Variants in C1QTNF1 observed in about 807,000 individuals in gnomAD.
The protein encoded by C1QTNF1 is C1q and TNF related 1.
A neutral mutation model predicts 27.8 loss-of-function variants in C1QTNF1; 22 were observed. The ratio of observed to expected loss-of-function variants is 0.79; its 90% CI spans 0.56 to 1.13. The LOEUF (loss-of-function observed/expected upper bound fraction) is 1.13, where lower values mean the gene tolerates loss of function less well. C1QTNF1 is among the 50% of genes most tolerant of loss of function. The probability of loss-of-function intolerance (pLI) is 0.00; values close to 1 mark genes in which losing one functional copy is unlikely to be tolerated. For missense variants in C1QTNF1, 373 were observed against 380.2 expected, an observed-to-expected ratio of 0.98 and a Z score of 0.16; for synonymous variants, 166 against 154.3, an observed-to-expected ratio of 1.08 and a Z score of -0.56.
intron 1 of C1QTNF1, among the ~76,000 whole-genome samples, chr17:79,030,223 G>A (rs2072086998): frequency 6.6e-6 from 1 of 152,172 alleles, no homozygotes; most frequent in South Asian, 2.1e-4. Context: ...AAGAAACAGA[G>A]AGGCCAAAAT....
At chr17:79,030,442 T>C (rs971546468) in intron 1 of C1QTNF1, among the ~76,000 whole-genome samples, 81 of 150,580 alleles carry the variant, frequency 5.4e-4, no homozygotes, top group African/African-American at 1.9e-3. Flanking sequence ...ACTTTCTCTC[T>C]CTTTCTTCTT....
chr17:79,025,885 C>CCATCAT, intron 1 of C1QTNF1: 1 of 430,732 alleles, frequency 2.3e-6, no homozygotes, highest in East Asian at 7.0e-5. Context: ...ATCATCATCA[C>CCATCAT]CATCATCATC....
chr17:79,034,092 G>T (rs2072205849), intron 1 of C1QTNF1: 1 of 152,236 alleles, frequency 6.6e-6, no homozygotes, highest in Non-Finnish European at 1.5e-5. Context: ...GCTTGTCCAG[G>T]CCCCAGACAA....
At chr17:79,040,651 T>C (rs560664996) in intron 1 of C1QTNF1, among the ~76,000 whole-genome samples, 1 of 141,406 alleles carries the variant, frequency 7.1e-6, no homozygotes, top group Admixed American at 7.8e-5. Flanking sequence ...CCCAGCACTT[T>C]GGGAGGCTGA....
Position 79,024,477 on chromosome 17 carries a change from G to C in C1QTNF1, c.-32G>C, listed in dbSNP as rs1378659891. 1 of 152,504 alleles carries C rather than the reference G, an allele frequency of 6.6e-6. No homozygotes were observed. The highest frequency in any genetic ancestry group is 1.9e-4 in the East Asian group (1 of 5,184). The allele number at this position is 152,504 out of a possible 1,614,324, so 9.4% of individuals were successfully genotyped here. On this transcript the variant is annotated 5_prime_UTR_variant, in exon 1 of 4. Transcript: ENST00000579760. ...ATGCTCTAGGGGCGGCGCGGGAGGA[G>C]CGGCCGGCGGGACGGAGGTAGGTGG...
chr17:79,026,969 C>T (rs540364190), intron 1 of C1QTNF1, among the ~76,000 whole-genome samples: 1 of 152,068 alleles, frequency 6.6e-6, no homozygotes, highest in Non-Finnish European at 1.5e-5. Context: ...AATATTCTGG[C>T]ATTGAACTTT....
chr17:79,031,008 CT>C (rs11335486), intron 1 of C1QTNF1, among the ~76,000 whole-genome samples: 4,643 of 137,860 alleles, frequency 0.034, 174 homozygotes, highest in African/African-American at 0.11. Flanking sequence ...CTTTTCTTTT[CT>C]TTTTTTTTTT....
In C1QTNF1 at chr17:79,047,927, A is replaced by G. The variant is rs1361796931; in HGVS notation, c.685A>G (p.Ser229Gly). 6.2e-7 allele frequency: 1 copy of G among 1,613,946 alleles called. No homozygotes were observed. The highest frequency in any genetic ancestry group is 1.3e-5 in the African/African-American group (1 of 74,914). Residue 229 changes from serine to glycine, a missense_variant, in exon 4 of 4, where the codon AGC becomes GGC. Transcript: ENST00000579760. ...VILFAQVGDR[S>G]IMQSQSLMLE... The stretch of plus-strand genomic sequence containing the variant: ...CTTGTTCGCGCAGGTGGGCGACCGC[A>G]GCATCATGCAAAGCCAGAGCCTGAT...
intron 1 of C1QTNF1, among the ~76,000 whole-genome samples, chr17:79,038,441 T>C (rs1346868428): frequency 6.6e-6 from 1 of 151,968 alleles, no homozygotes; most frequent in African/African-American, 2.4e-5. Flanking sequence ...GTGGATGATG[T>C]GGGGTTGAGG....
chr17:79,041,415 C>G (rs2072405308), intron 1 of C1QTNF1, among the ~76,000 whole-genome samples: 1 of 152,202 alleles, frequency 6.6e-6, no homozygotes, highest in Admixed American at 6.5e-5. Flanking sequence ...GAGCCCTGGA[C>G]TCCAGATCTT....
intron 1 of C1QTNF1, among the ~76,000 whole-genome samples, chr17:79,042,801 G>C (rs1293492590): frequency 2.6e-5 from 4 of 152,252 alleles, no homozygotes; most frequent in Admixed American, 6.5e-5. Flanking sequence ...AGCCTGACTG[G>C]CTGAGGCTCT....
intron 1 of C1QTNF1, among the ~76,000 whole-genome samples, chr17:79,039,042 C>T (rs529145216): frequency 2.6e-5 from 4 of 152,352 alleles, no homozygotes; most frequent in Non-Finnish European, 5.9e-5. Flanking sequence ...AGCCCCACCC[C>T]ACCCCAGTGA....
chr17:79,026,225 G>C (rs141858832), intron 1 of C1QTNF1, among the ~76,000 whole-genome samples: 1 of 151,688 alleles, frequency 6.6e-6, no homozygotes, highest in African/African-American at 2.4e-5. Context: ...GCCAAATCTC[G>C]GCTCACTGCA....
At chr17:79,040,450 C>T (rs1444813603) in intron 1 of C1QTNF1, among the ~76,000 whole-genome samples, 1 of 151,670 alleles carries the variant, frequency 6.6e-6, no homozygotes, top group Non-Finnish European at 1.5e-5. Context: ...AAACTAAGAC[C>T]GAGGATGGAG....
In C1QTNF1 at chr17:79,047,026, T is replaced by C. The variant is rs2072594558; in HGVS notation, c.295+332T>C. 2.2e-5 allele frequency: 7 copies of C among 321,472 alleles called. No individual in the cohort carries two copies. The Admixed American group carries it at 2.7e-4, about 12-fold the overall frequency. 19.9% of individuals were successfully genotyped at this position (321,472 alleles called of 1,614,324 possible). A position where few individuals can be genotyped will look rare whatever the true frequency, so the allele number is the denominator to read the frequency against. On this transcript the variant is annotated intron_variant, in intron 3 of 3. Coordinates refer to ENST00000579760, the MANE Select transcript of C1QTNF1 (RefSeq NM_030968.5). The stretch of plus-strand genomic sequence containing the variant: ...TGCTTTGGGGCTTGGTCCCCCAGCC[T>C]GCTTTCTGAAATGCCACCTGCTCGC...
chr17:79,043,691 T>A (rs1469247834), intron 1 of C1QTNF1: 1 of 587,088 alleles, frequency 1.7e-6, no homozygotes, highest in East Asian at 3.8e-5. Context: ...GTTGAGTGTG[T>A]GCATGTGTGG....
At chr17:79,025,839 G>A (rs2071937860) in intron 1 of C1QTNF1, 1 of 381,160 alleles carries the variant, frequency 2.6e-6, no homozygotes, top group African/African-American at 2.1e-5. Flanking sequence ...CAGAGCTGGA[G>A]AGGCCCCTAG....
chr17:79,041,220 A>C (rs899231509), intron 1 of C1QTNF1, among the ~76,000 whole-genome samples: 3 of 152,118 alleles, frequency 2.0e-5, no homozygotes, highest in African/African-American at 7.2e-5. Flanking sequence ...GCCCTGACGC[A>C]TGGGAGGGAC....
chr17:79,047,934 T>A lies in C1QTNF1; in HGVS notation c.692T>A (p.Met231Lys). 6.2e-7 allele frequency: 1 copy of A among 1,614,010 alleles called. No individual in the cohort carries two copies. Among genetic ancestry groups the A allele is most frequent in the South Asian group, 1.1e-5 (1 of 91,070 alleles). The change falls in exon 4 of 4, where the codon ATG (methionine) becomes AAG (lysine). Residue 231 changes from methionine to lysine, a missense_variant. Transcript: ENST00000579760. ...GCGCAGGTGGGCGACCGCAGCATCATGCAAAGCCAGAGCCTGATGCTGGAG... is the reference window on the plus strand; with the variant it reads ...GCGCAGGTGGGCGACCGCAGCATCAAGCAAAGCCAGAGCCTGATGCTGGAG... ...LFAQVGDRSI[M>K]QSQSLMLELR... is the part of the protein sequence containing the mutation.
Sources: gnomAD v4.1 joint callset for allele counts (sites outside exome capture counted in the v4.1 genomes callset) on GRCh38, gnomAD v4.1.1 for gene constraint, MANE v1.5 for transcripts, NCBI Gene and HGNC (gene_info 2026-07-23, HGNC 2026-07-21) for gene names.